The following SORBS2 variants were observed in gnomAD, a reference collection of about 807,000 sequenced individuals.
The protein encoded by SORBS2 is sorbin and SH3 domain containing 2.
SORBS2 carries 46 observed loss-of-function variants against 97.7 expected under a neutral mutation model. The observed-to-expected ratio is 0.47, with a 90% CI of 0.37 to 0.60. SORBS2 has a LOEUF of 0.60. SORBS2 is among the 20% of genes least tolerant of loss of function. The probability of loss-of-function intolerance (pLI) is 0.00; values close to 1 mark genes in which losing one functional copy is unlikely to be tolerated. For synonymous variants in SORBS2, 476 were observed against 473.4 expected (o/e 1.01, Z -0.07); for missense variants, 1,316 against 1,282.3 (o/e 1.03, Z -0.40).
chr4:185,694,970 G>C (rs962362552), intron 2 of SORBS2, among the ~76,000 whole-genome samples: 11 of 151,884 alleles, frequency 7.2e-5, no homozygotes, highest in African/African-American at 2.7e-4. Context: ...CTCCCAAAGT[G>C]CTGGGATTAC....
intron 8 of SORBS2, among the ~76,000 whole-genome samples, chr4:185,619,672 TATTG>T (rs1286543622): frequency 1.3e-5 from 2 of 152,230 alleles, no homozygotes; most frequent in African/African-American, 4.8e-5. Context: ...GTAGGCTCTG[TATTG>T]ATTTACAACA....
chr4:185,822,236 G>C (rs1466798521), intron 1 of SORBS2, among the ~76,000 whole-genome samples: 2 of 152,192 alleles, frequency 1.3e-5, no homozygotes, highest in African/African-American at 4.8e-5. Flanking sequence ...CCTTTATCTA[G>C]TGTTTCCCCA....
chr4:185,630,561 T>C, exon 5 of SORBS2: 2 of 1,593,310 alleles, frequency 1.3e-6, no homozygotes, highest in Non-Finnish European at 1.7e-6. Flanking sequence ...CATGGGTCTT[T>C]CCAGGCTTCT....
chr4:185,711,288 G>A (rs981047815), intron 2 of SORBS2, among the ~76,000 whole-genome samples: 1 of 152,130 alleles, frequency 6.6e-6, no homozygotes, highest in Non-Finnish European at 1.5e-5. Flanking sequence ...ACTATGCCTG[G>A]CCCTGACATG....
chr4:185,669,612 C>CA (rs1253520770), intron 4 of SORBS2, among the ~76,000 whole-genome samples: 5 of 151,848 alleles, frequency 3.3e-5, no homozygotes, highest in South Asian at 2.1e-4. Context: ...TAAAGAGTGA[C>CA]AAAAAACTCA....
At chr4:185,673,457 G>A (rs542052162) in intron 4 of SORBS2, among the ~76,000 whole-genome samples, 1 of 152,110 alleles carries the variant, frequency 6.6e-6, no homozygotes, top group South Asian at 2.1e-4. Flanking sequence ...TTACCTACCA[G>A]TAAAAAAAAT....
At chr4:185,722,734 G>T (rs895675618) in intron 2 of SORBS2, among the ~76,000 whole-genome samples, 7 of 152,126 alleles carry the variant, frequency 4.6e-5, no homozygotes, top group African/African-American at 1.7e-4. Context: ...ATTAAAGGCT[G>T]AATCACTGAT....
Position 185,783,559 on chromosome 4 carries a change from A to G in SORBS2, c.-337-8193T>C, listed in dbSNP as rs554444358. On this transcript the variant is annotated intron_variant, in intron 1 of 20. Coordinates refer to the SORBS2 transcript ENST00000284776. ...ATGCTTTAACCAGCAAAGTCAATCC[A>G]TTAAACAAAAAGGTATGGGAGAGAC... Among the ~76,000 whole-genome samples the G allele has an allele frequency of 9.2e-5, 14 of 152,348 alleles. No homozygotes were observed. The East Asian group carries it at 1.9e-3, about 21-fold the overall frequency.
intron 1 of SORBS2, among the ~76,000 whole-genome samples, chr4:185,918,843 T>A (rs2099259583): frequency 6.6e-6 from 1 of 152,228 alleles, no homozygotes; most frequent in South Asian, 2.1e-4. Context: ...GATGTAGATG[T>A]TCATGAAGAT....
chr4:185,657,244 C>A, upstream of SORBS2: 1 of 497,432 alleles, frequency 2.0e-6, no homozygotes, highest in Non-Finnish European at 3.3e-6. Context: ...TTGTGTAATT[C>A]TCTCCCATCA....
chr4:185,606,159 T>C lies in SORBS2; in HGVS notation c.2796+5621A>G. The C allele has an allele frequency of 1.0e-6, 1 of 985,432 alleles. No homozygotes were observed. Among genetic ancestry groups the C allele is most frequent in the Non-Finnish European group, 1.2e-6 (1 of 829,890 alleles). 61.0% of individuals were successfully genotyped at this position (985,432 alleles called of 1,614,324 possible). A position where few individuals can be genotyped will look rare whatever the true frequency, so the allele number is the denominator to read the frequency against. On this transcript the variant is annotated intron_variant, in intron 12 of 14. Transcript: ENST00000418609. This position sits in a 1 kb window ranked among gnomAD's most constrained non-coding sequence, Gnocchi z 4.3. The stretch of plus-strand genomic sequence containing the variant: ...GTTTCTCATCCTGGAATAGGACAAA[T>C]TTCTGGGCATCAACTTCCTCTTCTC...
chr4:185,773,030 T>C (rs1164903858), intron 2 of SORBS2: 1 of 149,168 alleles, frequency 6.7e-6, no homozygotes, highest in Non-Finnish European at 1.5e-5. Context: ...CAACGTAAAA[T>C]TCAGGGGTGA....
At chr4:185,899,777 T>C (rs1439573503) in intron 1 of SORBS2, among the ~76,000 whole-genome samples, 3 of 152,340 alleles carry the variant, frequency 2.0e-5, no homozygotes, top group Middle Eastern at 3.4e-3. Flanking sequence ...ACGAGTATTA[T>C]ACCTTCAGGC....
At chr4:185,868,667 G>A (rs895335653) in intron 1 of SORBS2, among the ~76,000 whole-genome samples, 1 of 152,064 alleles carries the variant, frequency 6.6e-6, no homozygotes, top group South Asian at 2.1e-4. Flanking sequence ...TTCATGTTGT[G>A]CCCTCTCTGT....
At chr4:185,905,223 A>T (rs2099250105) in intron 1 of SORBS2, among the ~76,000 whole-genome samples, 1 of 152,248 alleles carries the variant, frequency 6.6e-6, no homozygotes, top group Non-Finnish European at 1.5e-5. Context: ...AACCCCAGGG[A>T]AACACAGGGT....
In SORBS2 at chr4:185,606,155, C is replaced by T; in HGVS notation, c.2796+5625G>A. The T allele has an allele frequency of 1.0e-6, 1 of 985,388 alleles. No individual in the cohort carries two copies. The highest frequency in any genetic ancestry group is 1.2e-6 in the Non-Finnish European group (1 of 829,904). The allele number at this position is 985,388 out of a possible 1,614,324, so 61.0% of individuals were successfully genotyped here. On this transcript the variant is annotated intron_variant, in intron 12 of 14. Transcript: ENST00000418609. This position sits in a 1 kb window ranked among gnomAD's most constrained non-coding sequence, Gnocchi z 4.3. ...TACAGTTTCTCATCCTGGAATAGGA[C>T]AAATTTCTGGGCATCAACTTCCTCT...
chr4:185,848,287 G>A (rs1364145586), intron 1 of SORBS2, among the ~76,000 whole-genome samples: 2 of 152,134 alleles, frequency 1.3e-5, no homozygotes, highest in African/African-American at 2.4e-5. Context: ...ATTCCTGAGT[G>A]CCTTTAACCA....
intron 2 of SORBS2, among the ~76,000 whole-genome samples, chr4:185,703,051 A>G (rs1374192936): frequency 6.6e-6 from 1 of 152,210 alleles, no homozygotes; most frequent in Non-Finnish European, 1.5e-5. Context: ...CACATGTCCA[A>G]GCCACCATCC....
At chr4:185,943,713 T>G (rs1429358266) in intron 1 of SORBS2, among the ~76,000 whole-genome samples, 3 of 152,050 alleles carry the variant, frequency 2.0e-5, no homozygotes, top group African/African-American at 7.2e-5. Flanking sequence ...AAAGAACAAT[T>G]GAAAAAGACT....
Sources: allele counts gnomAD v4.1 joint callset (sites outside exome capture counted in the v4.1 genomes callset), GRCh38; gene constraint gnomAD v4.1.1; non-coding constraint Gnocchi (gnomAD v3.1); transcripts MANE v1.5; gene names NCBI Gene and HGNC (gene_info 2026-07-23, HGNC 2026-07-21).